Variants in FANCC observed in about 807,000 individuals in gnomAD.
FANCC encodes the protein FA complementation group C.
Under a neutral mutation model 71.3 loss-of-function variants are expected in FANCC, and 55 were observed. The ratio of observed to expected loss-of-function variants is 0.77; its 90% CI spans 0.62 to 0.97. The LOEUF is 0.97. Ranked by LOEUF, FANCC falls within the 50% of genes least tolerant of loss-of-function variation. The pLI is 0.00. For missense variants in FANCC, 678 were observed against 670.9 expected (o/e 1.01, Z -0.12); for synonymous variants, 275 against 244.9 (o/e 1.12, Z -1.15).
At chr9:95,109,076 ATTTC>A (rs959932336) in intron 13 of FANCC, among the ~76,000 whole-genome samples, 4 of 151,998 alleles carry the variant, frequency 2.6e-5, no homozygotes, top group African/African-American at 4.8e-5. Flanking sequence ...TACCTGGCTA[ATTTC>A]TTTATTTATT....
chr9:95,228,557 CAAG>C (rs1478970992), intron 4 of FANCC, among the ~76,000 whole-genome samples: 1 of 152,210 alleles, frequency 6.6e-6, no homozygotes, highest in African/African-American at 2.4e-5. Context: ...CTAGCCTGTA[CAAG>C]AAGGTCTCTG....
intron 4 of FANCC, among the ~76,000 whole-genome samples, chr9:95,192,307 AG>A (rs1827163690): frequency 6.6e-6 from 1 of 152,154 alleles, no homozygotes; most frequent in Non-Finnish European, 1.5e-5. Context: ...CAGATTTGAG[AG>A]ACAAGCAAGT....
At chr9:95,251,396 A>T (rs1588357903) in intron 1 of FANCC, among the ~76,000 whole-genome samples, 1 of 151,908 alleles carries the variant, frequency 6.6e-6, no homozygotes, top group African/African-American at 2.4e-5. Context: ...GTTCACTGCA[A>T]CCTCCACCTC....
intron 1 of FANCC, among the ~76,000 whole-genome samples, chr9:95,258,941 T>C (rs574720445): frequency 7.9e-5 from 12 of 152,232 alleles, no homozygotes; most frequent in South Asian, 2.1e-4. Context: ...CCATTCACAA[T>C]TGCTACAAAG....
chr9:95,149,821 A>G, intron 7 of FANCC, 102 bp downstream of exon 7: 1 of 1,352,832 alleles, frequency 7.4e-7, no homozygotes. Flanking sequence ...GTACTGAGAC[A>G]AAAACGTTTG....
chr9:95,223,197 C>A (rs917954172), intron 4 of FANCC, among the ~76,000 whole-genome samples: 1 of 152,168 alleles, frequency 6.6e-6, no homozygotes, highest in African/African-American at 2.4e-5. Context: ...GTGGCTTAAA[C>A]CACAGAAATT....
Position 95,101,618 on chromosome 9 carries a change from A to G in FANCC, c.*89T>C. 1.3e-6 allele frequency: 2 copies of G among 1,547,166 alleles called. No individual in the cohort carries two copies. The highest frequency in any genetic ancestry group is 1.8e-6 in the Non-Finnish European group (2 of 1,131,718). Reference sequence around the variant, plus strand: ...ACAGCCCAGCGAGGGCACTTACTCCACAAATGCGTGGCCACAGGTCATCAC... The same window carrying G: ...ACAGCCCAGCGAGGGCACTTACTCCGCAAATGCGTGGCCACAGGTCATCAC... On this transcript the variant is annotated 3_prime_UTR_variant, in exon 15 of 15. Coordinates refer to ENST00000289081, the MANE Select transcript of FANCC (RefSeq NM_000136.3).
At chr9:95,171,461 A>G (rs1825671924) in intron 5 of FANCC, among the ~76,000 whole-genome samples, 1 of 148,596 alleles carries the variant, frequency 6.7e-6, no homozygotes, top group Non-Finnish European at 1.5e-5. Context: ...GTTCATTTGA[A>G]AAAAAAAAAA....
At chr9:95,253,953 C>T (rs1164133151) in intron 1 of FANCC, among the ~76,000 whole-genome samples, 1 of 152,250 alleles carries the variant, frequency 6.6e-6, no homozygotes, top group African/African-American at 2.4e-5. Context: ...AATGCCGCCA[C>T]TGATCTGACA....
chr9:95,130,637 T>C (rs1462442700), intron 8 of FANCC, among the ~76,000 whole-genome samples: 1 of 152,214 alleles, frequency 6.6e-6, no homozygotes, highest in African/African-American at 2.4e-5. Context: ...AATCAGCTGA[T>C]GGGCAGCTTC....
At chr9:95,210,109 A>G (rs919050763) in intron 4 of FANCC, among the ~76,000 whole-genome samples, 2 of 152,228 alleles carry the variant, frequency 1.3e-5, no homozygotes, top group Non-Finnish European at 1.5e-5. Flanking sequence ...ACATGTCATT[A>G]TATCTATATA....
intron 4 of FANCC, among the ~76,000 whole-genome samples, chr9:95,218,454 AC>A (rs1338235306): frequency 6.6e-6 from 1 of 152,074 alleles, no homozygotes; most frequent in Non-Finnish European, 1.5e-5. Flanking sequence ...ACAGAAGGAG[AC>A]CCTGTCTCAA....
At chr9:95,165,875 G>A (rs1346890117) in intron 6 of FANCC, among the ~76,000 whole-genome samples, 1 of 151,884 alleles carries the variant, frequency 6.6e-6, no homozygotes, top group African/African-American at 2.4e-5. Context: ...AAAGTGGGGT[G>A]GTGAAATCTA....
At chr9:95,120,536 C>T (rs150113794) in intron 10 of FANCC, among the ~76,000 whole-genome samples, 1 of 151,992 alleles carries the variant, frequency 6.6e-6, no homozygotes, top group Non-Finnish European at 1.5e-5. Flanking sequence ...CACTTCACCC[C>T]CCGAGTAGCC....
chr9:95,259,094 T>C (rs1831854290), intron 1 of FANCC, among the ~76,000 whole-genome samples: 1 of 152,068 alleles, frequency 6.6e-6, no homozygotes, highest in South Asian at 2.1e-4. Flanking sequence ...AGAATAGATA[T>C]CATGAAAATG....
chr9:95,288,377 C>T (rs1468232503), intron 1 of FANCC, among the ~76,000 whole-genome samples: 1 of 152,024 alleles, frequency 6.6e-6, no homozygotes, highest in Non-Finnish European at 1.5e-5. Context: ...TTATATATGT[C>T]AAGGGATTTT....
intron 4 of FANCC, among the ~76,000 whole-genome samples, chr9:95,199,124 A>G (rs936527238): frequency 1.3e-5 from 2 of 152,170 alleles, no homozygotes; most frequent in East Asian, 3.9e-4. Flanking sequence ...ATTATAAAAC[A>G]TCTGTTATTA....
intron 11 of FANCC, among the ~76,000 whole-genome samples, chr9:95,115,244 A>G (rs1449508438): frequency 6.6e-6 from 1 of 152,184 alleles, no homozygotes; most frequent in East Asian, 1.9e-4. Context: ...GCTTGCCCTC[A>G]AGTAATTTTA....
intron 1 of FANCC, among the ~76,000 whole-genome samples, chr9:95,299,113 T>C (rs1361508268): frequency 6.6e-6 from 1 of 152,242 alleles, no homozygotes; most frequent in Non-Finnish European, 1.5e-5. Context: ...TACCTTACTT[T>C]TAACTTTATT....
Sources: gnomAD v4.1 joint callset for allele counts (sites outside exome capture counted in the v4.1 genomes callset) on GRCh38, gnomAD v4.1.1 for gene constraint, MANE v1.5 for transcripts, NCBI Gene and HGNC (gene_info 2026-07-23, HGNC 2026-07-21) for gene names.